Variants in MED27 observed in about 807,000 individuals in gnomAD.
MED27 encodes the protein mediator complex subunit 27.
MED27 carries 30 observed loss-of-function variants against 38.2 expected under a neutral mutation model. The ratio of observed to expected loss-of-function variants is 0.79; its 90% confidence interval spans 0.59 to 1.07. The LOEUF is 1.07. MED27 is among the 50% of genes least tolerant of loss of function. The pLI, the probability that MED27 is intolerant of heterozygous loss-of-function variation, is 0.00. For synonymous variants in MED27, 122 were observed against 153.5 expected, an observed-to-expected ratio of 0.79 and a Z score of 1.52; for missense variants, 289 against 397.5, an observed-to-expected ratio of 0.73 and a Z score of 2.32.
In MED27 at chr9:131,952,531, C is replaced by G. The variant is rs1831019918; in HGVS notation, c.480-13057G>C. ...ACCAGAGCCTTCACCCTCTCCAGACCCACCCTCTCCACAGTGGTCTGTGCC... is the reference window on the plus strand; with the variant it reads ...ACCAGAGCCTTCACCCTCTCCAGACGCACCCTCTCCACAGTGGTCTGTGCC... On this transcript the variant is annotated intron_variant, in intron 3 of 7. Transcript: ENST00000292035. Among the ~76,000 whole-genome samples the G allele has an allele frequency of 3.9e-5, 6 of 152,324 alleles. No homozygotes were observed. In the South Asian group the frequency reaches 1.0e-3, roughly 26 times the overall value.
intron 3 of MED27, among the ~76,000 whole-genome samples, chr9:131,969,607 C>T (rs1831431476): frequency 1.3e-5 from 2 of 152,266 alleles, no homozygotes; most frequent in South Asian, 2.1e-4. Context: ...TACTAGGCCG[C>T]TGCTATTCTA....
At chr9:131,924,986 T>C (rs1216642267) in intron 4 of MED27, among the ~76,000 whole-genome samples, 4 of 152,242 alleles carry the variant, frequency 2.6e-5, no homozygotes, top group Non-Finnish European at 4.4e-5. Context: ...TGTTTATTTA[T>C]TTAGGTCTAC....
At chr9:131,973,306 T>G (rs1831522636) in intron 3 of MED27, among the ~76,000 whole-genome samples, 1 of 152,096 alleles carries the variant, frequency 6.6e-6, no homozygotes, top group Non-Finnish European at 1.5e-5. Context: ...GTTGACACTA[T>G]CCCCTCCAGG....
At chr9:132,043,675 T>C (rs1833271044) in intron 2 of MED27, among the ~76,000 whole-genome samples, 1 of 152,030 alleles carries the variant, frequency 6.6e-6, no homozygotes, top group Non-Finnish European at 1.5e-5. Context: ...CATTAACTGA[T>C]TTAATAAGGA....
At chr9:132,060,747 A>G (rs933810456) in intron 2 of MED27, among the ~76,000 whole-genome samples, 1 of 152,206 alleles carries the variant, frequency 6.6e-6, no homozygotes, top group Non-Finnish European at 1.5e-5. Context: ...TCAGGAGTTC[A>G]AGATCAGCCT....
intron 4 of MED27, among the ~76,000 whole-genome samples, chr9:131,934,860 C>T (rs1163117354): frequency 1.3e-5 from 2 of 152,160 alleles, no homozygotes; most frequent in Non-Finnish European, 2.9e-5. Context: ...TACATATACA[C>T]AACGGAGTAC....
intron 3 of MED27, among the ~76,000 whole-genome samples, chr9:132,002,168 G>A (rs1232539079): frequency 6.6e-6 from 1 of 152,152 alleles, no homozygotes; most frequent in Non-Finnish European, 1.5e-5. Context: ...GCGTAACTGA[G>A]GTTTAGAAAC....
chr9:132,054,123 A>G (rs1396565058), intron 2 of MED27, among the ~76,000 whole-genome samples: 1 of 152,212 alleles, frequency 6.6e-6, no homozygotes, highest in Non-Finnish European at 1.5e-5. Flanking sequence ...TTCCTGCCCA[A>G]ATCTCATGTT....
chr9:132,069,397 T>A (rs944467124), intron 2 of MED27, among the ~76,000 whole-genome samples: 13 of 152,162 alleles, frequency 8.5e-5, no homozygotes, highest in African/African-American at 2.9e-4. Context: ...AAGTAGAACA[T>A]AAAGACATGG....
chr9:132,021,118 G>A (rs1472340499), intron 2 of MED27, among the ~76,000 whole-genome samples: 1 of 152,166 alleles, frequency 6.6e-6, no homozygotes, highest in Non-Finnish European at 1.5e-5. Flanking sequence ...GTGCTCAAAT[G>A]TCCAAACTTC....
At chr9:132,008,846 G>A (rs1242877500) in intron 3 of MED27, among the ~76,000 whole-genome samples, 2 of 152,198 alleles carry the variant, frequency 1.3e-5, no homozygotes, top group South Asian at 2.1e-4. Context: ...GAACCCAGAC[G>A]CTAGCCCTTC....
chr9:132,041,786 C>T (rs1190312120), intron 2 of MED27, among the ~76,000 whole-genome samples: 5 of 152,246 alleles, frequency 3.3e-5, no homozygotes, highest in Non-Finnish European at 4.4e-5. Flanking sequence ...GAAGCAATTA[C>T]GTGCAAACAC....
At chr9:132,066,001 C>T (rs1833801571) in intron 2 of MED27, among the ~76,000 whole-genome samples, 1 of 152,196 alleles carries the variant, frequency 6.6e-6, no homozygotes, top group African/African-American at 2.4e-5. Context: ...ACCAAGGTCC[C>T]CTAACAGTCA....
At chr9:132,052,059 C>A (rs79158374) in intron 2 of MED27, among the ~76,000 whole-genome samples, 4,308 of 152,202 alleles carry the variant, frequency 0.028, 199 homozygotes, top group African/African-American at 0.093. Context: ...TGAGATTTCG[C>A]GAGACAGGGG....
chr9:131,873,023 T>C (rs1159854538), intron 6 of MED27, among the ~76,000 whole-genome samples: 2 of 152,252 alleles, frequency 1.3e-5, no homozygotes, highest in Non-Finnish European at 2.9e-5. Flanking sequence ...GTTCCCACGA[T>C]GCAGAGATCA....
intron 2 of MED27, among the ~76,000 whole-genome samples, chr9:132,017,056 CAT>C (rs1217683639): frequency 6.6e-6 from 1 of 152,008 alleles, no homozygotes; most frequent in Non-Finnish European, 1.5e-5. Flanking sequence ...ACTTGTTAAT[CAT>C]ATATATGTAT....
At chr9:132,009,931 A>T (rs1832445092) in intron 3 of MED27, among the ~76,000 whole-genome samples, 1 of 152,064 alleles carries the variant, frequency 6.6e-6, no homozygotes, top group Non-Finnish European at 1.5e-5. Context: ...TTTTCTTGTA[A>T]ATTTGTTTGA....
chr9:131,888,696 G>A (rs1479406787), intron 5 of MED27, among the ~76,000 whole-genome samples: 3 of 152,148 alleles, frequency 2.0e-5, no homozygotes, highest in Non-Finnish European at 2.9e-5. Flanking sequence ...AGGTGAACAG[G>A]TGATAGGCCT....
intron 2 of MED27, among the ~76,000 whole-genome samples, chr9:132,023,455 G>A (rs956544937): frequency 2.0e-5 from 3 of 152,132 alleles, no homozygotes; most frequent in East Asian, 3.9e-4. Context: ...GTTTCTATGC[G>A]CCTCCTAGTC....
Sources: allele counts gnomAD v4.1 joint callset (sites outside exome capture counted in the v4.1 genomes callset), GRCh38; gene constraint gnomAD v4.1.1; transcripts MANE v1.5; gene names NCBI Gene and HGNC (gene_info 2026-07-23, HGNC 2026-07-21).